The following B3GALT1 variants were observed in gnomAD, a reference collection of about 807,000 sequenced individuals.
B3GALT1 encodes the protein UDP-Gal:betaGlcNAc beta 1,3-galactosyltransferase, polypeptide 1.
A neutral mutation model predicts 23.2 loss-of-function variants in B3GALT1; 10 were observed. That is an observed-to-expected ratio of 0.43 (90% CI 0.27 to 0.73). The LOEUF (loss-of-function observed/expected upper bound fraction) is 0.73, where lower values mean the gene tolerates loss of function less well. Among genes scored for constraint, B3GALT1 ranks in the 30% least tolerant of loss-of-function variants. The pLI, the probability that B3GALT1 is intolerant of heterozygous loss-of-function variation, is 0.21. For missense variants in B3GALT1, 299 were observed against 405.4 expected, an observed-to-expected ratio of 0.74 and a Z score of 2.25; for synonymous variants, 156 against 141.5, an observed-to-expected ratio of 1.10 and a Z score of -0.73.
chr2:167,483,906 C>T (rs995012037), intron 1 of B3GALT1, among the ~76,000 whole-genome samples: 2 of 152,036 alleles, frequency 1.3e-5, no homozygotes, highest in Non-Finnish European at 2.9e-5. Flanking sequence ...TAGAACCTAT[C>T]CATGGATCGC....
At position 167,873,478 on chromosome 2, in the gene B3GALT1, A is replaced by G. The variant is rs1014811537; in HGVS notation, c.*3458A>G. Reference sequence around the variant, plus strand: ...GCCAAGGAAGAAGTTTTTCGATCAAATCTCTTCTATCAAAAGACAATGGAA... The same window carrying G: ...GCCAAGGAAGAAGTTTTTCGATCAAGTCTCTTCTATCAAAAGACAATGGAA... On this transcript the variant is annotated 3_prime_UTR_variant, in exon 5 of 5. Coordinates refer to ENST00000392690, the MANE Select transcript of B3GALT1 (RefSeq NM_020981.4). 7.2e-5 allele frequency: 11 copies of G among 152,166 alleles called. No individual in the cohort carries two copies. Among genetic ancestry groups the G allele is most frequent in the African/African-American group, 2.7e-4 (11 of 41,436 alleles). The allele number at this position is 152,166 out of a possible 1,614,324, so 9.4% of individuals were successfully genotyped here. A position where few individuals can be genotyped will look rare whatever the true frequency, so the allele number is the denominator to read the frequency against.
chr2:167,523,324 G>T (rs988319898), intron 2 of B3GALT1, among the ~76,000 whole-genome samples: 1 of 152,000 alleles, frequency 6.6e-6, no homozygotes, highest in Non-Finnish European at 1.5e-5. Flanking sequence ...AATTACTAAA[G>T]GGTATGTAAT....
intron 2 of B3GALT1, among the ~76,000 whole-genome samples, chr2:167,557,486 A>G (rs1683875128): frequency 6.6e-6 from 1 of 152,206 alleles, no homozygotes; most frequent in African/African-American, 2.4e-5. Flanking sequence ...GAACTTAGAA[A>G]CATGATATCT....
chr2:167,598,633 T>C (rs1326271986), intron 2 of B3GALT1, among the ~76,000 whole-genome samples: 1 of 152,176 alleles, frequency 6.6e-6, no homozygotes, highest in Non-Finnish European at 1.5e-5. Flanking sequence ...CGGAGTAAAC[T>C]GGTTTTCTCT....
At chr2:167,779,227 C>T (rs1056316822) in intron 3 of B3GALT1, among the ~76,000 whole-genome samples, 3 of 151,774 alleles carry the variant, frequency 2.0e-5, no homozygotes, top group African/African-American at 7.3e-5. Context: ...TCTTTCTACA[C>T]ATTTTTGGAG....
At chr2:167,550,324 C>G (rs994043872) in intron 2 of B3GALT1, among the ~76,000 whole-genome samples, 4 of 152,204 alleles carry the variant, frequency 2.6e-5, no homozygotes. Context: ...AGGATACACT[C>G]TAGACTTTGT....
At chr2:167,578,224 C>T (rs1243354106) in intron 2 of B3GALT1, among the ~76,000 whole-genome samples, 1 of 151,922 alleles carries the variant, frequency 6.6e-6, no homozygotes, top group African/African-American at 2.4e-5. Flanking sequence ...GCCTAGCTCT[C>T]TAGCAAGAGG....
intron 3 of B3GALT1, among the ~76,000 whole-genome samples, chr2:167,786,745 T>C (rs1459623293): frequency 6.6e-6 from 1 of 152,194 alleles, no homozygotes; most frequent in Admixed American, 6.5e-5. Flanking sequence ...CCTACTTTCT[T>C]AGCAATGTTA....
intron 1 of B3GALT1, among the ~76,000 whole-genome samples, chr2:167,318,694 G>A (rs73015836): frequency 0.012 from 1,767 of 152,236 alleles, 26 homozygotes; most frequent in Admixed American, 0.034. Context: ...AACTGCACTC[G>A]TTGGCTAAGG....
intron 3 of B3GALT1, among the ~76,000 whole-genome samples, chr2:167,738,628 A>G (rs1045724471): frequency 1.3e-5 from 2 of 152,188 alleles, no homozygotes; most frequent in African/African-American, 4.8e-5. Context: ...TACACAAACA[A>G]ACAAAAAAAT....
intron 1 of B3GALT1, among the ~76,000 whole-genome samples, chr2:167,420,396 T>C (rs1698528247): frequency 6.6e-6 from 1 of 152,200 alleles, no homozygotes; most frequent in African/African-American, 2.4e-5. Context: ...ATTTATTAGA[T>C]GAACTAAAAA....
chr2:167,839,857 C>T (rs796755180), intron 4 of B3GALT1, among the ~76,000 whole-genome samples: 1 of 123,836 alleles, frequency 8.1e-6, no homozygotes, highest in Non-Finnish European at 1.8e-5. Flanking sequence ...CAGAACAGAG[C>T]CCTCAGAAAT....
chr2:167,337,279 A>G (rs1697073169), intron 1 of B3GALT1, among the ~76,000 whole-genome samples: 1 of 152,070 alleles, frequency 6.6e-6, no homozygotes, highest in African/African-American at 2.4e-5. Context: ...TGAGGATTTC[A>G]GTATATAAAA....
At chr2:167,607,634 G>C (rs985203699) in intron 2 of B3GALT1, among the ~76,000 whole-genome samples, 1 of 152,212 alleles carries the variant, frequency 6.6e-6, no homozygotes, top group African/African-American at 2.4e-5. Flanking sequence ...TTAAGCATGA[G>C]TTTTGGCACT....
chr2:167,569,671 G>A (rs1649686769), intron 2 of B3GALT1, among the ~76,000 whole-genome samples: 1 of 151,570 alleles, frequency 6.6e-6, no homozygotes, highest in South Asian at 2.1e-4. Context: ...TTGTCCTATT[G>A]TATCAGCTAG....
chr2:167,729,224 G>A (rs1168947266), intron 3 of B3GALT1, among the ~76,000 whole-genome samples: 3 of 152,182 alleles, frequency 2.0e-5, no homozygotes, highest in African/African-American at 4.8e-5. Flanking sequence ...TCATTAAGGG[G>A]TAACTTGTTG....
intron 3 of B3GALT1, among the ~76,000 whole-genome samples, chr2:167,700,716 T>C (rs1371291487): frequency 6.6e-6 from 1 of 152,254 alleles, no homozygotes. Flanking sequence ...AATGGTGCAG[T>C]GCGGGTAGGG....
intron 4 of B3GALT1, among the ~76,000 whole-genome samples, chr2:167,847,569 T>G (rs747431932): frequency 6.6e-6 from 1 of 152,022 alleles, no homozygotes; most frequent in Non-Finnish European, 1.5e-5. Context: ...TACCAAAGCC[T>G]CTGGAATACA....
chr2:167,420,252 G>C (rs527684195), intron 1 of B3GALT1, among the ~76,000 whole-genome samples: 22 of 152,314 alleles, frequency 1.4e-4, no homozygotes, highest in African/African-American at 5.3e-4. Context: ...CCAGAGAAAT[G>C]CTGGAATATG....
Sources: allele counts gnomAD v4.1 joint callset (sites outside exome capture counted in the v4.1 genomes callset), GRCh38; gene constraint gnomAD v4.1.1; transcripts MANE v1.5; gene names NCBI Gene and HGNC (gene_info 2026-07-23, HGNC 2026-07-21).